POMGNT2: variants seen among roughly 807,000 people sequenced by gnomAD.
POMGNT2 encodes protein O-linked-mannose beta-1,4-N-acetylglucosaminyltransferase 2.
A neutral mutation model predicts 37.8 loss-of-function variants in POMGNT2; 32 were observed. The observed-to-expected ratio is 0.85, with a 90% CI of 0.64 to 1.14. POMGNT2 has a LOEUF of 1.14. Ranked by LOEUF, POMGNT2 falls within the 50% of genes most tolerant of loss-of-function variation. The pLI is 0.00. For synonymous variants in POMGNT2, 340 were observed against 336.8 expected (o/e 1.01, Z -0.10); for missense variants, 705 against 780.6 (o/e 0.90, Z 1.15).
At chr3:43,101,414 G>A (rs1331617955) in intron 1 of POMGNT2, among the ~76,000 whole-genome samples, 1 of 152,166 alleles carries the variant, frequency 6.6e-6, no homozygotes, top group Non-Finnish European at 1.5e-5. Context: ...AACAACCCAT[G>A]TGGACTACTC....
At chr3:43,102,818 A>C (rs1272424268) in intron 1 of POMGNT2, among the ~76,000 whole-genome samples, 1 of 152,204 alleles carries the variant, frequency 6.6e-6, no homozygotes, top group Non-Finnish European at 1.5e-5. Flanking sequence ...ACTTGGAGGA[A>C]CACTCAATGG....
chr3:43,080,118 C>T lies in POMGNT2; in HGVS notation c.1314G>A (p.Arg438=). The stretch of plus-strand genomic sequence containing the variant: ...AGATTCGGAAGAGCCACTCGGGGTT[C>T]CGGCAACAGAGATGCCGTGGGACCT... ...SREVPRHLCC[R]NPEWLFRIYQ... The change falls in exon 2 of 2, where the codon CGG becomes CGA. Residue 438 remains arginine (R), a synonymous_variant. Coordinates refer to ENST00000344697, the MANE Select transcript of POMGNT2 (RefSeq NM_032806.6). 1 of 1,613,888 alleles carries T rather than the reference C, an allele frequency of 6.2e-7. No individual in the cohort carries two copies. The highest frequency in any genetic ancestry group is 1.1e-5 in the South Asian group (1 of 91,078).
chr3:43,100,485 T>C (rs1575474650), intron 1 of POMGNT2, among the ~76,000 whole-genome samples: 2 of 152,220 alleles, frequency 1.3e-5, no homozygotes, highest in African/African-American at 2.4e-5. Context: ...AGGGCAACTG[T>C]ATACAAATTC....
In POMGNT2 at chr3:43,079,560, A is replaced by G; in HGVS notation, c.*129T>C. 1 of 799,524 alleles carries G rather than the reference A, an allele frequency of 1.3e-6. No homozygotes were observed. The highest frequency in any genetic ancestry group is 2.0e-6 in the Non-Finnish European group (1 of 510,854). The allele number at this position is 799,524 out of a possible 1,614,324, so 49.5% of individuals were successfully genotyped here. On this transcript the variant is annotated 3_prime_UTR_variant, in exon 2 of 2. Transcript: ENST00000344697. ...TGCTGTGACACCACACCCCAGAGAC[A>G]ACAAGATGATGTGGAGGCACAGGCC...
intron 1 of POMGNT2, among the ~76,000 whole-genome samples, chr3:43,086,255 T>C (rs1490672647): frequency 6.6e-6 from 1 of 152,330 alleles, no homozygotes; most frequent in Non-Finnish European, 1.5e-5. Flanking sequence ...TTATTTCTTC[T>C]GTATATAAAT....
At chr3:43,101,032 A>T (rs1341807945) in intron 1 of POMGNT2, among the ~76,000 whole-genome samples, 1 of 152,240 alleles carries the variant, frequency 6.6e-6, no homozygotes, top group Non-Finnish European at 1.5e-5. Context: ...GGAGAAAAGA[A>T]GCCCCTGCAC....
chr3:43,089,702 G>A (rs1400463052), intron 1 of POMGNT2, among the ~76,000 whole-genome samples: 1 of 152,114 alleles, frequency 6.6e-6, no homozygotes, highest in Non-Finnish European at 1.5e-5. Flanking sequence ...GGGCACAGGA[G>A]CATGTTCCTG....
intron 1 of POMGNT2, 148 bp from the exon 2 acceptor site, chr3:43,081,684 G>A (rs1015207213): frequency 2.4e-4 from 122 of 508,816 alleles, no homozygotes; most frequent in Non-Finnish European, 2.3e-4. Flanking sequence ...ATTGGTAGGC[G>A]TGGTAGATTA....
chr3:43,086,900 G>C (rs774944334), intron 1 of POMGNT2, among the ~76,000 whole-genome samples: 7 of 152,160 alleles, frequency 4.6e-5, no homozygotes, highest in African/African-American at 1.4e-4. Flanking sequence ...TTGGAAAAAG[G>C]CTCTTTGCAC....
At chr3:43,085,143 C>T (rs1450827007) in intron 1 of POMGNT2, among the ~76,000 whole-genome samples, 1 of 152,116 alleles carries the variant, frequency 6.6e-6, no homozygotes, top group Non-Finnish European at 1.5e-5. Flanking sequence ...TGCAGTTGGC[C>T]TCCAATGACA....
At position 43,080,497 on chromosome 3, in the gene POMGNT2, T is replaced by C. The variant is rs375879947; in HGVS notation, c.935A>G (p.Gln312Arg). The C allele has an allele frequency of 1.6e-4, 261 of 1,614,102 alleles. No homozygotes were observed. Among genetic ancestry groups the C allele is most frequent in the Non-Finnish European group, 2.1e-4 (251 of 1,180,052 alleles). The change falls in exon 2 of 2, where the codon CAG (glutamine) becomes CGG (arginine). Residue 312 changes from glutamine to arginine, a missense_variant. Coordinates refer to ENST00000344697, the MANE Select transcript of POMGNT2 (RefSeq NM_032806.6). ...NEAELLLALA[Q>R]EFQMKTVTVS... ...TGTCACTGTCTTCATCTGGAACTCC[T>C]GGGCCAGTGCCAGCAGCAGCTCTGC...
At chr3:43,097,287 C>T (rs967104536) in intron 1 of POMGNT2, among the ~76,000 whole-genome samples, 2 of 152,194 alleles carry the variant, frequency 1.3e-5, no homozygotes, top group African/African-American at 2.4e-5. Flanking sequence ...ACACCTAATG[C>T]CAGCTGATGA....
Position 43,098,647 on chromosome 3 carries a change from A to C in POMGNT2, c.-106+7189T>G, listed in dbSNP as rs527874679. Among the ~76,000 whole-genome samples, 1 of 152,204 alleles carries C rather than the reference A, an allele frequency of 6.6e-6. No individual in the cohort carries two copies. Among genetic ancestry groups the C allele is most frequent in the South Asian group, 2.1e-4 (1 of 4,828 alleles). On this transcript the variant is annotated intron_variant, in intron 1 of 1. Transcript: ENST00000344697. The surrounding 1 kb of genome is among the most constrained non-coding windows in gnomAD (Gnocchi z 4.3). ...TCTTCTTGCTTTAGAATAAAGAGCA[A>C]AGCAAAGTCAAAGCTGGAGACATTA...
At chr3:43,105,172 TA>T (rs569878481) in intron 1 of POMGNT2, among the ~76,000 whole-genome samples, 9 of 152,288 alleles carry the variant, frequency 5.9e-5, no homozygotes, top group African/African-American at 1.9e-4. Context: ...GACGGTCACA[TA>T]CTTTAGCAGA....
intron 1 of POMGNT2, among the ~76,000 whole-genome samples, chr3:43,105,025 T>C (rs1275868430): frequency 6.6e-6 from 1 of 152,214 alleles, no homozygotes; most frequent in African/African-American, 2.4e-5. Flanking sequence ...CTAAGTCCTA[T>C]CAAGCTCGCC....
chr3:43,084,648 CA>C (rs58875803), intron 1 of POMGNT2, among the ~76,000 whole-genome samples: 43,459 of 117,094 alleles, frequency 0.37, 6,743 homozygotes, highest in South Asian at 0.5. Flanking sequence ...GACTCCGTCT[CA>C]AAAAAAAAAA....
At chr3:43,085,758 T>C (rs570212730) in intron 1 of POMGNT2, among the ~76,000 whole-genome samples, 1 of 151,190 alleles carries the variant, frequency 6.6e-6, no homozygotes, top group South Asian at 2.1e-4. Flanking sequence ...ATGGGGTATT[T>C]ACAGCAAAAA....
At chr3:43,090,441 C>T (rs1385574238) in intron 1 of POMGNT2, 1 of 152,214 alleles carries the variant, frequency 6.6e-6, no homozygotes, top group African/African-American at 2.4e-5. Context: ...GCTGATATGA[C>T]CATTTTTGAC....
chr3:43,079,628 T>C lies in POMGNT2; in HGVS notation c.*61A>G. 3 of 1,456,948 alleles carry C rather than the reference T, an allele frequency of 2.1e-6. No homozygotes were observed. The South Asian group carries it at 3.9e-5, about 19-fold the overall frequency. The allele number at this position is 1,456,948 out of a possible 1,614,324, so 90.3% of individuals were successfully genotyped here. On this transcript the variant is annotated 3_prime_UTR_variant, in exon 2 of 2. Transcript: ENST00000344697. ...CCAGAAGTCTCCACAGTGGGATTAA[T>C]GGGCCCAGGGACGCTGAACTGCAGG...
Sources: gnomAD v4.1 joint callset for allele counts (sites outside exome capture counted in the v4.1 genomes callset) on GRCh38, gnomAD v4.1.1 for gene constraint, Gnocchi (gnomAD v3.1) non-coding constraint, MANE v1.5 for transcripts, NCBI Gene and HGNC (gene_info 2026-07-23, HGNC 2026-07-21) for gene names.